ZFP62: variants seen among roughly 807,000 people sequenced by gnomAD.
ZFP62 encodes zinc finger protein 62 homolog.
Under a neutral mutation model 56.4 loss-of-function variants are expected in ZFP62, and 44 were observed. The ratio of observed to expected loss-of-function variants is 0.78; its 90% confidence interval spans 0.61 to 1.00. The LOEUF (loss-of-function observed/expected upper bound fraction) is 1.00. Among genes scored for constraint, ZFP62 ranks in the 50% least tolerant of loss-of-function variants. ZFP62 has a pLI of 0.00. For synonymous variants in ZFP62, 421 were observed against 388.9 expected (o/e 1.08, Z -0.97); for missense variants, 1,030 against 1,085.7 (o/e 0.95, Z 0.72).
At chr5:180,840,447 C>T in the ZFP62 span, among the ~76,000 whole-genome samples, 6 of 152,066 alleles carry the variant, frequency 3.9e-5, no homozygotes, top group Admixed American at 6.5e-5. Context: ...AACTGGGAAA[C>T]GTAACTCTTC....
rs756950560 is a variant in ZFP62 at position 180,850,595 on chromosome 5, T to C, written c.900A>G (p.Lys300=). The change falls in exon 2 of 2, where the codon AAA becomes AAG. Residue 300 remains lysine (K), a synonymous_variant. Transcript: ENST00000502412. ...AAGGTTTCTCACCTGTGTGGATCCT[T>C]TTATGGACCCTAAGGCCAGAGCTGT... is the stretch of plus-strand genomic sequence containing the variant. ...FSNSSGLRVH[K]RIHTGEKPYE... The C allele has an allele frequency of 6.4e-7, 1 of 1,562,958 alleles. No homozygotes were observed. The highest frequency in any genetic ancestry group is 1.9e-5 in the Admixed American group (1 of 51,792).
intron 1 of ZFP62, among the ~76,000 whole-genome samples, chr5:180,852,464 G>C (rs927717868): frequency 6.7e-6 from 1 of 149,758 alleles, no homozygotes; most frequent in African/African-American, 2.5e-5. Flanking sequence ...TGAGGGAGGA[G>C]AATCACTTGA....
chr5:180,852,873 TAAG>T (rs1465124362), intron 1 of ZFP62, among the ~76,000 whole-genome samples: 1 of 152,186 alleles, frequency 6.6e-6, no homozygotes, highest in East Asian at 1.9e-4. Context: ...GAAAGATAAA[TAAG>T]AACTACTGTA....
In ZFP62 at chr5:180,856,768, C is replaced by T. The variant is rs1016128816; in HGVS notation, c.1+4451G>A. On this transcript the variant is annotated intron_variant, in intron 1 of 1. Coordinates refer to ENST00000502412, the MANE Select transcript of ZFP62 (RefSeq NM_001172638.2). Reference sequence around the variant, plus strand: ...AGGAGATCGAGACCATCCTGGCTAACACCGTGAAACCCCATCTCTACTAAA... The same window carrying T: ...AGGAGATCGAGACCATCCTGGCTAATACCGTGAAACCCCATCTCTACTAAA... 4.0e-5 allele frequency among the ~76,000 whole-genome samples: 6 copies of T among 151,398 alleles called. No homozygotes were observed. The East Asian group carries it at 5.8e-4, about 15-fold the overall frequency.
chr5:180,847,079 C>G (rs550815389), downstream of ZFP62, among the ~76,000 whole-genome samples: 5 of 152,330 alleles, frequency 3.3e-5, no homozygotes, highest in African/African-American at 1.2e-4. Flanking sequence ...AGCATGGAAA[C>G]TATCTGGCTA....
At chr5:180,838,234 C>A in the ZFP62 span, among the ~76,000 whole-genome samples, 1 of 151,996 alleles carries the variant, frequency 6.6e-6, no homozygotes, top group African/African-American at 2.4e-5. Context: ...AGGAGGGAGT[C>A]AAGGAGGCCC....
the ZFP62 span, among the ~76,000 whole-genome samples, chr5:180,833,277 G>A: frequency 1.3e-3 from 191 of 151,952 alleles, 2 homozygotes; most frequent in African/African-American, 4.4e-3. Flanking sequence ...TCAAGAGATC[G>A]AGACCATCCT....
chr5:180,829,222 G>T, the ZFP62 span, among the ~76,000 whole-genome samples: 3 of 141,422 alleles, frequency 2.1e-5, no homozygotes, highest in Admixed American at 6.8e-5. Flanking sequence ...TTCCTCAGAG[G>T]CATGTGATCT....
the ZFP62 span, among the ~76,000 whole-genome samples, chr5:180,841,601 G>A: frequency 6.6e-6 from 1 of 152,290 alleles, no homozygotes; most frequent in African/African-American, 2.4e-5. Context: ...CCACTCAAGT[G>A]TTCAGATGGA....
chr5:180,849,977 T>C lies in ZFP62; in HGVS notation c.1518A>G (p.Lys506=). 1 of 1,551,364 alleles carries C rather than the reference T, an allele frequency of 6.4e-7. No individual in the cohort carries two copies. The highest frequency in any genetic ancestry group is 8.7e-7 in the Non-Finnish European group (1 of 1,146,904). ...TGAAGGATTTCTCACAATAGCTACA[T>C]TTATAGGGCTTCTCCCCAAGGTGGA... ...KGIHLGEKPY[K]CSYCEKSFNY... The change falls in exon 2 of 2, where the codon AAA becomes AAG. Residue 506 remains lysine (K), a synonymous_variant. Coordinates refer to ENST00000502412, the MANE Select transcript of ZFP62 (RefSeq NM_001172638.2).
intron 1 of ZFP62, among the ~76,000 whole-genome samples, chr5:180,858,695 G>T (rs1005065725): frequency 1.3e-5 from 2 of 152,188 alleles, no homozygotes; most frequent in South Asian, 4.1e-4. Flanking sequence ...CCAGGAGTAA[G>T]TCACTATAAT....
the ZFP62 span, chr5:180,830,946 C>G: frequency 6.6e-6 from 1 of 152,288 alleles, no homozygotes; most frequent in Admixed American, 6.5e-5. Context: ...CAGACTAGGG[C>G]GGGCGACGTG....
In ZFP62 at chr5:180,850,316, G is replaced by A. The variant is rs1460080525; in HGVS notation, c.1179C>T (p.Tyr393=). ...HKRIHTGEKP[Y]KCDVCGKAFS... The stretch of plus-strand genomic sequence containing the variant: ...ATGCTTTGCCACAGACATCACACTT[G>A]TAAGGTTTCTCTCCTGTGTGGATCC... Residue 393 remains tyrosine, a synonymous_variant, in exon 2 of 2, where the codon TAC becomes TAT. Transcript: ENST00000502412. 10 of 1,568,636 alleles carry A rather than the reference G, an allele frequency of 6.4e-6. No individual in the cohort carries two copies. The South Asian group carries it at 7.0e-5, about 11-fold the overall frequency.
At chr5:180,829,160 TG>T in the ZFP62 span, among the ~76,000 whole-genome samples, 1 of 140,006 alleles carries the variant, frequency 7.1e-6, no homozygotes, top group African/African-American at 3.3e-5. Flanking sequence ...CCCCTTGTCC[TG>T]TTTCCTCAGA....
At chr5:180,827,633 T>C in the ZFP62 span, among the ~76,000 whole-genome samples, 5,062 of 152,276 alleles carry the variant, frequency 0.033, 86 homozygotes, top group South Asian at 0.068. Flanking sequence ...TAGTCTGCAA[T>C]ATGGCCTCAT....
intron 1 of ZFP62, among the ~76,000 whole-genome samples, chr5:180,859,761 C>T (rs1414026087): frequency 6.6e-6 from 1 of 152,214 alleles, no homozygotes; most frequent in Non-Finnish European, 1.5e-5. Context: ...GGAAGAACTA[C>T]TTACGTCTTA....
At chr5:180,846,462 A>C (rs1417672130), downstream of ZFP62, among the ~76,000 whole-genome samples, 8 of 152,220 alleles carry the variant, frequency 5.3e-5, no homozygotes, top group South Asian at 2.1e-4. Flanking sequence ...CAGCAAAAAG[A>C]AGCCCAATCC....
chr5:180,848,977 A>G lies in ZFP62; in HGVS notation c.2518T>C (p.Tyr840His). ...HKRIHTGKKP[Y>H]RCNECGKAFN... is the part of the protein sequence containing the mutation. ...GCCTTACCACACTCATTACATCGGT[A>G]TGGCTTCTTTCCAGTGTGGATCCTT... The change falls in exon 2 of 2, where the codon TAC becomes CAC. Residue 840 changes from tyrosine to histidine, a missense_variant. Physicochemically the swap from Tyr to His is moderately conservative, Grantham distance 83. Transcript: ENST00000502412. 1.9e-6 allele frequency: 3 copies of G among 1,551,770 alleles called. No homozygotes were observed. In the South Asian group the frequency reaches 3.6e-5, roughly 18 times the overall value.
At chr5:180,831,837 A>C in the ZFP62 span, 1 of 152,464 alleles carries the variant, frequency 6.6e-6, no homozygotes, top group Non-Finnish European at 1.5e-5. Flanking sequence ...CTCCACCTGG[A>C]ACTTTCTTCC....
Sources: allele counts gnomAD v4.1 joint callset (sites outside exome capture counted in the v4.1 genomes callset), GRCh38; gene constraint gnomAD v4.1.1; transcripts MANE v1.5; gene names NCBI Gene and HGNC (gene_info 2026-07-23, HGNC 2026-07-21).